The following MINK1 variants were observed in gnomAD, a reference collection of about 807,000 sequenced individuals.
MINK1 encodes misshapen-like kinase 1.
MINK1 carries 46 observed loss-of-function variants against 178.4 expected under a neutral mutation model. The ratio of observed to expected loss-of-function variants is 0.26; its 90% CI spans 0.20 to 0.33. The LOEUF is 0.33. Ranked by LOEUF, MINK1 falls within the 10% of genes least tolerant of loss-of-function variation. MINK1 has a pLI of 1.00. For missense variants in MINK1, 1,366 were observed against 1,814.9 expected, an observed-to-expected ratio of 0.75 and a Z score of 4.49; for synonymous variants, 797 against 709.7, an observed-to-expected ratio of 1.12 and a Z score of -1.96.
chr17:4,842,614 C>G (rs1910421964), intron 1 of MINK1, among the ~76,000 whole-genome samples: 1 of 152,224 alleles, frequency 6.6e-6, no homozygotes, highest in Non-Finnish European at 1.5e-5. Context: ...CCCACCCACT[C>G]TTTCTTTCAA....
chr17:4,893,769 G>A (rs1969124263), intron 21 of MINK1, 172 bp downstream of exon 21: 1 of 1,099,590 alleles, frequency 9.1e-7, no homozygotes, highest in South Asian at 1.8e-5. Flanking sequence ...TGTGTGTTGT[G>A]GGGTGGCCTC....
At position 4,887,684 on chromosome 17, in the gene MINK1, T is replaced by TGCAGCA. The variant is rs752399585; in HGVS notation, c.1136_1141dup (p.Gln379_Gln380dup). ...GAGGCTTTAAAACAGCAGCAGCAGC[T>TGCAGCA]GCAGCAGCAGCAGCAGCGAGACCCC... On this transcript the variant is annotated inframe_insertion, in exon 12 of 32. Coordinates refer to ENST00000355280, the MANE Select transcript of MINK1 (RefSeq NM_153827.5). This position sits in a 1 kb window ranked among gnomAD's most constrained non-coding sequence, Gnocchi z 7.6. 1.4e-5 allele frequency: 22 copies of TGCAGCA among 1,561,092 alleles called. No homozygotes were observed. Among genetic ancestry groups the TGCAGCA allele is most frequent in the African/African-American group, 5.5e-5 (4 of 72,996 alleles).
chr17:4,893,226 T>TCTCCTAACCTCG, intron 20 of MINK1, 159 bp downstream of exon 20: 4 of 1,531,690 alleles, frequency 2.6e-6, no homozygotes, highest in South Asian at 1.1e-5. Flanking sequence ...TCCTAACCTC[T>TCTCCTAACCTCG]CTCCTAACCT....
chr17:4,879,395 T>A (rs1286583351), intron 2 of MINK1, among the ~76,000 whole-genome samples: 2 of 152,244 alleles, frequency 1.3e-5, no homozygotes, highest in Non-Finnish European at 2.9e-5. Context: ...TCTAGCCCCG[T>A]GTTTCCTGTG....
intron 1 of MINK1, among the ~76,000 whole-genome samples, chr17:4,862,251 A>T (rs1034544933): frequency 5.9e-5 from 9 of 152,186 alleles, no homozygotes; most frequent in Non-Finnish European, 1.2e-4. Flanking sequence ...TGCCACTGAA[A>T]TAGCTGTTTG....
In MINK1 at chr17:4,889,689, G is replaced by C. The variant is rs1968573556; in HGVS notation, c.1273G>C (p.Glu425Gln). 1.3e-6 allele frequency: 2 copies of C among 1,561,790 alleles called. No individual in the cohort carries two copies. Among genetic ancestry groups the C allele is most frequent in the Non-Finnish European group, 1.7e-6 (2 of 1,155,206 alleles). ...GGAGCAGCGGAAGCTGCAGGAGAAG[G>C]AGCAGCAGCGGCGGCTGGAGGACAT... ...EREQRKLQEK[E>Q]QQRRLEDMQA... is the part of the protein sequence containing the mutation. Residue 425 changes from glutamate to glutamine, a missense_variant, in exon 13 of 32, where the codon GAG (glutamate) becomes CAG (glutamine). Physicochemically the swap from Glu to Gln is conservative, Grantham distance 29. Transcript: ENST00000355280.
At chr17:4,845,393 T>A (rs1234759211) in intron 1 of MINK1, among the ~76,000 whole-genome samples, 2 of 152,168 alleles carry the variant, frequency 1.3e-5, no homozygotes, top group Non-Finnish European at 1.5e-5. Context: ...AGCCTCTTAC[T>A]TCATCTCATC....
intron 1 of MINK1, among the ~76,000 whole-genome samples, chr17:4,875,279 C>T (rs1234886262): frequency 6.6e-6 from 1 of 152,156 alleles, no homozygotes; most frequent in Non-Finnish European, 1.5e-5. Context: ...GACAACACCT[C>T]TCTTTCCTGT....
chr17:4,853,671 G>A (rs1467803168), intron 1 of MINK1, among the ~76,000 whole-genome samples: 2 of 152,070 alleles, frequency 1.3e-5, no homozygotes, highest in Non-Finnish European at 2.9e-5. Context: ...CCTGTGAACT[G>A]TAAAGTCTGG....
intron 19 of MINK1, 50 bp downstream of exon 19, chr17:4,892,818 C>T (rs766751638): frequency 9.2e-6 from 14 of 1,517,506 alleles, no homozygotes; most frequent in Non-Finnish European, 1.3e-5. Context: ...GGGCTTATCA[C>T]CATGGACCCT....
intron 1 of MINK1, chr17:4,861,667 C>A: frequency 3.1e-6 from 1 of 326,576 alleles, no homozygotes; most frequent in East Asian, 1.4e-4. Flanking sequence ...CACCCAGATA[C>A]TTTCTGTATT....
chr17:4,855,863 A>AC (rs1913035535), intron 1 of MINK1, among the ~76,000 whole-genome samples: 1 of 151,526 alleles, frequency 6.6e-6, no homozygotes, highest in Non-Finnish European at 1.5e-5. Flanking sequence ...AATCCCAGCT[A>AC]CTCAGGAGGC....
Position 4,894,703 on chromosome 17 carries a change from C to A in MINK1, c.2917+70C>A. The A allele has an allele frequency of 8.3e-7, 1 of 1,200,464 alleles. No homozygotes were observed. The highest frequency in any genetic ancestry group is 1.2e-6 in the Non-Finnish European group (1 of 829,216). The allele number at this position is 1,200,464 out of a possible 1,614,324, so 74.4% of individuals were successfully genotyped here. On this transcript the variant is annotated intron_variant, in intron 24 of 31. Coordinates refer to ENST00000355280, the MANE Select transcript of MINK1 (RefSeq NM_153827.5). This position sits in a 1 kb window ranked among gnomAD's most constrained non-coding sequence, Gnocchi z 4.1. ...GCAGCCTGGAGGGGAGCACAGTGGT[C>A]TTGAGACGCAGCCTCACAAAGCATA...
intron 1 of MINK1, among the ~76,000 whole-genome samples, chr17:4,847,473 G>A (rs747812922): frequency 3.9e-5 from 6 of 152,142 alleles, no homozygotes; most frequent in African/African-American, 7.2e-5. Context: ...AGTGTTTCCC[G>A]AGGACTGTAG....
Position 4,893,246 on chromosome 17 carries a change from C to T in MINK1, c.2400+179C>T, listed in dbSNP as rs150291775. On this transcript the variant is annotated intron_variant, in intron 20 of 31. Coordinates refer to ENST00000355280, the MANE Select transcript of MINK1 (RefSeq NM_153827.5). ...ACCTCTCTCCTAACCTCTCTCCTAA[C>T]CTCTCTTCTGGCTCTTTCTTCCCCT... The T allele has an allele frequency of 2.0e-3, 3,164 of 1,613,202 alleles. 6 individuals are homozygous for T. The highest frequency in any genetic ancestry group is 2.5e-3 in the Non-Finnish European group (2,942 of 1,179,376).
intron 1 of MINK1, among the ~76,000 whole-genome samples, chr17:4,869,252 ATTTATTTATTTAT>A (rs1915515115): frequency 6.2e-5 from 1 of 16,194 alleles, no homozygotes; most frequent in African/African-American, 1.5e-4. Context: ...ATTATTATTT[ATTTATTTATTTAT>A]TTATTTATTT....
Position 4,885,378 on chromosome 17 carries a change from A to G in MINK1, c.509-105A>G. The G allele has an allele frequency of 6.7e-7, 1 of 1,492,458 alleles. No homozygotes were observed. Among genetic ancestry groups the G allele is most frequent in the Non-Finnish European group, 9.2e-7 (1 of 1,092,404 alleles). The allele number at this position is 1,492,458 out of a possible 1,614,324, so 92.5% of individuals were successfully genotyped here. ...GGTGCTGGGGTGTCTGGGTCGGGCC[A>G]GGACCACAGCTGGCTCAGGCAAGTC... On this transcript the variant is annotated intron_variant, in intron 6 of 31. Coordinates refer to ENST00000355280, the MANE Select transcript of MINK1 (RefSeq NM_153827.5). This position sits in a 1 kb window ranked among gnomAD's most constrained non-coding sequence, Gnocchi z 5.0.
At chr17:4,857,499 C>T (rs911911199) in intron 1 of MINK1, 2 of 121,730 alleles carry the variant, frequency 1.6e-5, no homozygotes, top group African/African-American at 6.2e-5. Context: ...TGGAGTGTCA[C>T]TCTGTAGCCC....
At chr17:4,889,949 T>TC (rs1968612440) in intron 13 of MINK1, 186 bp downstream of exon 13, 1 of 584,742 alleles carries the variant, frequency 1.7e-6, no homozygotes, top group Admixed American at 3.1e-5. Context: ...CCCTCTTCCT[T>TC]CCCTGCCTCA....
Sources: allele counts gnomAD v4.1 joint callset (sites outside exome capture counted in the v4.1 genomes callset), GRCh38; gene constraint gnomAD v4.1.1; non-coding constraint Gnocchi (gnomAD v3.1); transcripts MANE v1.5; gene names NCBI Gene and HGNC (gene_info 2026-07-23, HGNC 2026-07-21).